Variants in HSF2 observed in about 807,000 individuals in gnomAD.
The protein encoded by HSF2 is heat shock factor protein 2.
HSF2 carries 21 observed loss-of-function variants against 65.0 expected under a neutral mutation model. That is an observed-to-expected ratio of 0.32 (90% CI 0.23 to 0.47). The LOEUF (loss-of-function observed/expected upper bound fraction) is 0.47, where lower values mean the gene tolerates loss of function less well. Among genes scored for constraint, HSF2 ranks in the 20% least tolerant of loss-of-function variants. The pLI is 1.00. For synonymous variants in HSF2, 225 were observed against 219.1 expected, an observed-to-expected ratio of 1.03 and a Z score of -0.24; for missense variants, 499 against 628.1, an observed-to-expected ratio of 0.79 and a Z score of 2.20.
At chr6:122,420,278 A>G in intron 7 of HSF2, 56 bp downstream of exon 7, 1 of 1,378,310 alleles carries the variant, frequency 7.3e-7, no homozygotes, top group Non-Finnish European at 1.0e-6. Context: ...AAATTTTATT[A>G]TGGCAGTGTT....
chr6:122,420,343 T>C, intron 7 of HSF2, 121 bp downstream of exon 7: 1 of 609,868 alleles, frequency 1.6e-6, no homozygotes, highest in Non-Finnish European at 2.6e-6. Context: ...TCCCACAGCT[T>C]TGTTAAATTG....
At chr6:122,420,028 CATT>C in intron 6 of HSF2, 104 bp from the exon 7 acceptor site, 3 of 1,006,402 alleles carry the variant, frequency 3.0e-6, no homozygotes, top group Non-Finnish European at 4.0e-6. Flanking sequence ...ATTTTTTATT[CATT>C]ATTAAGTGAG....
At chr6:122,414,216 C>G (rs1367474385) in intron 4 of HSF2, among the ~76,000 whole-genome samples, 2 of 152,152 alleles carry the variant, frequency 1.3e-5, no homozygotes, top group Non-Finnish European at 2.9e-5. Context: ...TACTACATTT[C>G]TTGGTTACCA....
intron 1 of HSF2, among the ~76,000 whole-genome samples, chr6:122,408,990 T>TA (rs1409918764): frequency 6.6e-6 from 1 of 151,940 alleles, no homozygotes; most frequent in East Asian, 1.9e-4. Context: ...GAACATAGTG[T>TA]AAAAAATGTT....
intron 10 of HSF2, 111 bp downstream of exon 10, chr6:122,423,797 C>T (rs1774286201): frequency 3.9e-6 from 2 of 509,026 alleles, no homozygotes; most frequent in Non-Finnish European, 6.8e-6. Flanking sequence ...TTTTGCATTT[C>T]TTTTTTAAAT....
In HSF2 at chr6:122,412,719, C is replaced by T. The variant is rs1023525118; in HGVS notation, c.285C>T (p.Tyr95=). The T allele has an allele frequency of 1.2e-6, 2 of 1,612,890 alleles. No homozygotes were observed. The highest frequency in any genetic ancestry group is 2.7e-5 in the African/African-American group (2 of 74,872). The change falls in exon 3 of 13, where the codon TAC becomes TAT. Residue 95 remains tyrosine (Y), a synonymous_variant. Coordinates refer to ENST00000368455, the MANE Select transcript of HSF2 (RefSeq NM_004506.4). ...RDGPVEFQHP[Y]FKQGQDDLLE... ...GTCCTGTAGAATTTCAGCATCCTTA[C>T]TTCAAACAAGGACAGGATGACTTGT...
rs764026316 is a variant in HSF2, at chr6:122,399,818, C to T, written c.81C>T (p.Ile27=). 3 of 1,611,708 alleles carry T rather than the reference C, an allele frequency of 1.9e-6. No homozygotes were observed. Among genetic ancestry groups the T allele is most frequent in the South Asian group, 2.2e-5 (2 of 90,756 alleles). The change falls in exon 1 of 13, where the codon ATC becomes ATT. Residue 27 remains isoleucine, a synonymous_variant. Transcript: ENST00000368455. ...LVEETHTNEF[I]TWSQNGQSFL... ...AGGAAACCCACACTAACGAGTTCAT[C>T]ACCTGGAGCCAGGTACGGTCAGGCC...
rs779039006 is a variant in HSF2 at position 122,431,968 on chromosome 6, C to T, written c.1359C>T (p.Phe453=). ...IQYTAFPLLA[F]LDGNPASSVE... is the part of the protein sequence containing the mutation. ...ATACCGCCTTTCCACTTCTTGCATT[C>T]CTCGATGGGAACCCTGCTTCTTCTG... is the stretch of plus-strand genomic sequence containing the variant. Residue 453 remains phenylalanine, a synonymous_variant, in exon 13 of 13, where the codon TTC becomes TTT. Transcript: ENST00000368455. 3 of 1,613,994 alleles carry T rather than the reference C, an allele frequency of 1.9e-6. No homozygotes were observed. Among genetic ancestry groups the T allele is most frequent in the South Asian group, 2.2e-5 (2 of 91,062 alleles).
chr6:122,416,739 A>G (rs1298781513), intron 5 of HSF2, among the ~76,000 whole-genome samples: 4 of 152,220 alleles, frequency 2.6e-5, no homozygotes, highest in Non-Finnish European at 5.9e-5. Flanking sequence ...ATGAGTTCAG[A>G]AAATGATTTC....
chr6:122,420,896 G>T (rs1291440931), intron 7 of HSF2, among the ~76,000 whole-genome samples: 1 of 150,544 alleles, frequency 6.6e-6, no homozygotes, highest in Admixed American at 6.6e-5. Flanking sequence ...ATATTTTGTA[G>T]TGATGGATTT....
chr6:122,413,055 A>G (rs1774037088), intron 3 of HSF2, among the ~76,000 whole-genome samples: 1 of 152,054 alleles, frequency 6.6e-6, no homozygotes, highest in Non-Finnish European at 1.5e-5. Context: ...AAATATGCCC[A>G]CATAGTAGGC....
At position 122,405,162 on chromosome 6, in the gene HSF2, G is replaced by A. The variant is rs139275649; in HGVS notation, c.93+5332G>A. ...CAAGCTGGGTATGGTGGTGCATGTC[G>A]TAGTTCTGGGTACTGGGGAGGCTGA... On this transcript the variant is annotated intron_variant, in intron 1 of 12. Transcript: ENST00000368455. 2.1e-4 allele frequency among the ~76,000 whole-genome samples: 32 copies of A among 151,382 alleles called. No individual in the cohort carries two copies. In the East Asian group the frequency reaches 2.7e-3, roughly 13 times the overall value.
At chr6:122,422,997 T>G (rs746664034) in intron 9 of HSF2, 40 bp downstream of exon 9, 2 of 1,606,744 alleles carry the variant, frequency 1.2e-6, no homozygotes, top group Non-Finnish European at 1.7e-6. Flanking sequence ...TTATTTGCTT[T>G]CTTTGTTCAC....
At chr6:122,410,948 G>GGT (rs1554208309) in intron 1 of HSF2, among the ~76,000 whole-genome samples, 2 of 128,908 alleles carry the variant, frequency 1.6e-5, no homozygotes, top group African/African-American at 5.8e-5. Context: ...TTGTTTTTGG[G>GGT]TTTTTTTTTT....
intron 7 of HSF2, 21 bp from the exon 8 acceptor site, chr6:122,422,129 T>G: frequency 6.5e-7 from 1 of 1,538,310 alleles, no homozygotes; most frequent in Non-Finnish European, 8.8e-7. Context: ...TTTAGATATA[T>G]TTTTCTCTCT....
chr6:122,430,478 TATTTC>T (rs1774437688), intron 11 of HSF2, among the ~76,000 whole-genome samples: 1 of 152,108 alleles, frequency 6.6e-6, no homozygotes, highest in Non-Finnish European at 1.5e-5. Flanking sequence ...AAGATGGTAT[TATTTC>T]ATTAATGTTT....
At position 122,420,185 on chromosome 6, in the gene HSF2, A is replaced by C; in HGVS notation, c.644A>C (p.His215Pro). The change falls in exon 7 of 13, where the codon CAC (histidine) becomes CCC (proline). Residue 215 changes from histidine (H) to proline (P), a missense_variant. His to Pro is a moderately conservative substitution (Grantham distance 77). Transcript: ENST00000368455. ...NGAQKKNLFQHIVKEPTDNHH... is the reference protein window; with the variant it reads ...NGAQKKNLFQPIVKEPTDNHH... ...GCCCAAAAGAAGAACCTGTTTCAGC[A>C]CATAGTCAAAGAACCAACTGATAAT... The C allele has an allele frequency of 6.2e-7, 1 of 1,607,754 alleles. No individual in the cohort carries two copies. The highest frequency in any genetic ancestry group is 8.5e-7 in the Non-Finnish European group (1 of 1,175,108).
intron 1 of HSF2, among the ~76,000 whole-genome samples, chr6:122,400,506 C>T (rs1773702946): frequency 6.6e-6 from 1 of 152,154 alleles, no homozygotes; most frequent in Admixed American, 6.5e-5. Context: ...TAGGTGGTAA[C>T]TTAGTAGTTA....
At chr6:122,401,256 T>G (rs900832663) in intron 1 of HSF2, among the ~76,000 whole-genome samples, 6 of 152,158 alleles carry the variant, frequency 3.9e-5, no homozygotes, top group African/African-American at 1.4e-4. Flanking sequence ...AGCATGTACT[T>G]AAAATAAACA....
Sources: gnomAD v4.1 joint callset for allele counts (sites outside exome capture counted in the v4.1 genomes callset) on GRCh38, gnomAD v4.1.1 for gene constraint, MANE v1.5 for transcripts, NCBI Gene and HGNC (gene_info 2026-07-23, HGNC 2026-07-21) for gene names.